Variants in PDE4B observed in about 807,000 individuals in gnomAD.
PDE4B encodes 3',5'-cyclic-AMP phosphodiesterase 4B.
Under a neutral mutation model 82.2 loss-of-function variants are expected in PDE4B, and 20 were observed. The observed-to-expected ratio is 0.24, with a 90% CI of 0.17 to 0.35. The LOEUF (loss-of-function observed/expected upper bound fraction) is 0.35. PDE4B is among the 10% of genes least tolerant of loss of function. The probability of loss-of-function intolerance (pLI) is 1.00; values close to 1 mark genes in which losing one functional copy is unlikely to be tolerated. For missense variants in PDE4B, 655 were observed against 907.2 expected, an observed-to-expected ratio of 0.72 and a Z score of 3.57; for synonymous variants, 320 against 318.9, an observed-to-expected ratio of 1.00 and a Z score of -0.04.
intron 7 of PDE4B, among the ~76,000 whole-genome samples, chr1:66,288,388 G>A (rs1245541354): frequency 6.6e-6 from 1 of 152,088 alleles, no homozygotes; most frequent in Non-Finnish European, 1.5e-5. Flanking sequence ...TCCAACCTGA[G>A]AGTTAGGTGG....
intron 1 of PDE4B, among the ~76,000 whole-genome samples, chr1:65,847,523 C>T (rs1571009617): frequency 6.6e-6 from 1 of 152,206 alleles, no homozygotes; most frequent in East Asian, 1.9e-4. Flanking sequence ...TTCTCTTAGC[C>T]TCTTTCCTTG....
At chr1:66,170,025 AG>A (rs1385755707) in intron 3 of PDE4B, among the ~76,000 whole-genome samples, 1 of 152,230 alleles carries the variant, frequency 6.6e-6, no homozygotes, top group East Asian at 1.9e-4. Flanking sequence ...GCCATCAGAA[AG>A]AAAAATAAAA....
chr1:66,183,538 C>A (rs1242702539), intron 3 of PDE4B, among the ~76,000 whole-genome samples: 1 of 152,108 alleles, frequency 6.6e-6, no homozygotes, highest in African/African-American at 2.4e-5. Context: ...TCTTATTTAT[C>A]CGACAAGTTC....
chr1:66,031,927 T>G (rs1168835129), intron 3 of PDE4B, among the ~76,000 whole-genome samples: 2 of 152,212 alleles, frequency 1.3e-5, no homozygotes, highest in African/African-American at 4.8e-5. Context: ...TCCTCTCCGG[T>G]GACCCCAGAG....
At chr1:66,362,311 C>G (rs1305876988) in intron 10 of PDE4B, among the ~76,000 whole-genome samples, 1 of 152,182 alleles carries the variant, frequency 6.6e-6, no homozygotes, top group Admixed American at 6.5e-5. Context: ...ACTGACAGCA[C>G]TGACTCTGGA....
At chr1:66,228,698 G>C (rs1293982312) in intron 3 of PDE4B, among the ~76,000 whole-genome samples, 1 of 151,438 alleles carries the variant, frequency 6.6e-6, no homozygotes, top group Non-Finnish European at 1.5e-5. Flanking sequence ...AGAAGTTCAA[G>C]GGTAGATAGT....
intron 3 of PDE4B, among the ~76,000 whole-genome samples, chr1:66,230,784 ACGCCTGTAATC>A (rs1386206138): frequency 6.6e-6 from 1 of 152,214 alleles, no homozygotes; most frequent in African/African-American, 2.4e-5. Context: ...AGTGTGGCTC[ACGCCTGTAATC>A]CCAGCACTTT....
intron 8 of PDE4B, among the ~76,000 whole-genome samples, chr1:66,342,082 G>A (rs1661029500): frequency 9.6e-6 from 1 of 104,702 alleles, no homozygotes; most frequent in South Asian, 3.1e-4. Context: ...AGCTGATACT[G>A]CAAGTATTTT....
rs999410080 is a variant in PDE4B at position 66,018,245 on chromosome 1, G to A, written c.281+99410G>A. 1.1e-4 allele frequency among the ~76,000 whole-genome samples: 16 copies of A among 151,878 alleles called. 1 individual carries two copies. The highest frequency in any genetic ancestry group is 6.6e-4 in the Admixed American group (10 of 15,238). On this transcript the variant is annotated intron_variant, in intron 3 of 16. Coordinates refer to ENST00000341517, the MANE Select transcript of PDE4B (RefSeq NM_002600.4). ...ATCTTGGCTAACACCGTGAAACCCCGTCTCTACCAAAAATACAAAAAATTA... is the reference window on the plus strand; with the variant it reads ...ATCTTGGCTAACACCGTGAAACCCCATCTCTACCAAAAATACAAAAAATTA...
intron 1 of PDE4B, among the ~76,000 whole-genome samples, chr1:65,896,031 A>T (rs1316904808): frequency 6.6e-6 from 1 of 151,338 alleles, no homozygotes; most frequent in Non-Finnish European, 1.5e-5. Context: ...TAACCTTTGC[A>T]TTCTATATTT....
Position 66,266,030 on chromosome 1 carries a change from C to G in PDE4B, c.585-8C>G. The G allele has an allele frequency of 6.2e-7, 1 of 1,611,952 alleles. No homozygotes were observed. The highest frequency in any genetic ancestry group is 8.5e-7 in the Non-Finnish European group (1 of 1,178,072). On this transcript the variant is annotated splice_polypyrimidine_tract_variant and splice_region_variant and intron_variant, in intron 6 of 16. Transcript: ENST00000341517. ...CAGACTCAGTCCTTCTTTTCTCTGT[C>G]TCCACAGGAGGTCCCCAGCTGCTAG...
At chr1:66,003,429 T>G (rs542694965) in intron 3 of PDE4B, among the ~76,000 whole-genome samples, 1 of 152,254 alleles carries the variant, frequency 6.6e-6, no homozygotes, top group African/African-American at 2.4e-5. Flanking sequence ...CATCCACTTG[T>G]ACCAATAAGC....
intron 4 of PDE4B, among the ~76,000 whole-genome samples, chr1:66,255,643 C>T (rs1317306194): frequency 6.6e-6 from 1 of 152,196 alleles, no homozygotes; most frequent in Non-Finnish European, 1.5e-5. Flanking sequence ...TTCAAAGTTC[C>T]TCTGAAACAC....
intron 3 of PDE4B, among the ~76,000 whole-genome samples, chr1:66,164,577 AAAAG>A (rs1183311247): frequency 2.8e-4 from 41 of 146,460 alleles, no homozygotes; most frequent in Admixed American, 4.7e-4. Context: ...GAAAGAAAGA[AAAAG>A]AAAGAAAGAA....
At chr1:66,124,911 G>T (rs1268238434) in intron 3 of PDE4B, among the ~76,000 whole-genome samples, 6 of 53,618 alleles carry the variant, frequency 1.1e-4, no homozygotes, top group African/African-American at 1.5e-4. Flanking sequence ...AGCTGTGTGT[G>T]TGTATGCGTG....
chr1:65,887,885 C>T (rs1646809820), intron 1 of PDE4B, among the ~76,000 whole-genome samples: 1 of 152,022 alleles, frequency 6.6e-6, no homozygotes, highest in South Asian at 2.1e-4. Context: ...ATAGATTATT[C>T]CAGTCAACAG....
At chr1:65,972,880 T>C (rs1208997931) in intron 3 of PDE4B, among the ~76,000 whole-genome samples, 1 of 152,244 alleles carries the variant, frequency 6.6e-6, no homozygotes, top group Non-Finnish European at 1.5e-5. Context: ...TGTTGAATGC[T>C]ACATTGGGCC....
At chr1:66,264,620 C>A (rs1654903501) in intron 6 of PDE4B, among the ~76,000 whole-genome samples, 1 of 152,110 alleles carries the variant, frequency 6.6e-6, no homozygotes, top group East Asian at 1.9e-4. Context: ...CCTAAGATCA[C>A]CCAGCTAGTA....
chr1:66,013,205 G>A (rs1396555963), intron 3 of PDE4B, among the ~76,000 whole-genome samples: 1 of 151,952 alleles, frequency 6.6e-6, no homozygotes, highest in Non-Finnish European at 1.5e-5. Context: ...CTCAGTGAAT[G>A]TTTTTTTACC....
Sources: allele counts gnomAD v4.1 joint callset (sites outside exome capture counted in the v4.1 genomes callset), GRCh38; gene constraint gnomAD v4.1.1; transcripts MANE v1.5; gene names NCBI Gene and HGNC (gene_info 2026-07-23, HGNC 2026-07-21).